ROBO1: variants seen among roughly 807,000 people sequenced by gnomAD.
ROBO1 encodes roundabout guidance receptor 1.
In ROBO1, 149 loss-of-function variants were observed where a neutral mutation model predicts 195.9. That is an observed-to-expected ratio of 0.76 (90% CI 0.67 to 0.87). The LOEUF (loss-of-function observed/expected upper bound fraction) is 0.87, where lower values mean the gene tolerates loss of function less well. Among genes scored for constraint, ROBO1 ranks in the 40% least tolerant of loss-of-function variants. The probability of loss-of-function intolerance (pLI) is 0.00; values close to 1 mark genes in which losing one functional copy is unlikely to be tolerated. For missense variants in ROBO1, 1,933 were observed against 2,068.3 expected (o/e 0.93, Z 1.27); for synonymous variants, 816 against 733.2 (o/e 1.11, Z -1.82).
chr3:79,351,444 G>A (rs149302341), intron 2 of ROBO1, among the ~76,000 whole-genome samples: 1,701 of 152,098 alleles, frequency 0.011, 12 homozygotes, highest in Non-Finnish European at 0.018. Context: ...TAGCCCACAC[G>A]TTTCTGGCTA....
chr3:79,287,099 G>A (rs776319598), intron 2 of ROBO1, among the ~76,000 whole-genome samples: 4 of 152,092 alleles, frequency 2.6e-5, no homozygotes, highest in Non-Finnish European at 5.9e-5. Context: ...TTAGGATTAT[G>A]ACATCATGTA....
chr3:78,943,151 G>A lies in ROBO1; in HGVS notation c.173-4224C>T, dbSNP rs182057946. On this transcript the variant is annotated intron_variant, in intron 3 of 30. Coordinates refer to ENST00000464233, the MANE Select transcript of ROBO1 (RefSeq NM_002941.4). ...GAATGGCGTGAACCTGGGAGGCGGAGCTTACAGTGAGCCAAGATCGTGCCA... is the reference window on the plus strand; with the variant it reads ...GAATGGCGTGAACCTGGGAGGCGGAACTTACAGTGAGCCAAGATCGTGCCA... 4.3e-4 allele frequency among the ~76,000 whole-genome samples: 65 copies of A among 152,238 alleles called. 1 individual carries two copies. The East Asian group carries it at 0.012, about 28-fold the overall frequency.
rs535804575 is a variant in ROBO1, at chr3:78,804,570, T to C, written c.500-57670A>G. ...TTAAACTCACTGCACCTCTCAATCA[T>C]CCATCATCCCCCACTTCTTTTTACT... On this transcript the variant is annotated intron_variant, in intron 4 of 30. Transcript: ENST00000464233. 2.6e-4 allele frequency among the ~76,000 whole-genome samples: 39 copies of C among 151,974 alleles called. No individual in the cohort carries two copies. In the Middle Eastern group the frequency reaches 0.01, roughly 40 times the overall value.
chr3:79,223,300 A>C (rs560245567), intron 2 of ROBO1, among the ~76,000 whole-genome samples: 1 of 152,196 alleles, frequency 6.6e-6, no homozygotes, highest in Admixed American at 6.5e-5. Flanking sequence ...ATATCTCATA[A>C]ATCTACGTTC....
rs575412911 is a variant in ROBO1, at chr3:79,612,118, C to T, written c.-50-22157G>A. On this transcript the variant is annotated intron_variant, in intron 1 of 30. Coordinates refer to ENST00000464233, the MANE Select transcript of ROBO1 (RefSeq NM_002941.4). ...TATGTATACATGTGCCATGCTGGTGCGCTGCACCCACTAACTCGTCATCTA... is the reference window on the plus strand; with the variant it reads ...TATGTATACATGTGCCATGCTGGTGTGCTGCACCCACTAACTCGTCATCTA... Among the ~76,000 whole-genome samples the T allele has an allele frequency of 6.0e-5, 9 of 150,202 alleles. No homozygotes were observed. In the South Asian group the frequency reaches 6.3e-4, roughly 11 times the overall value.
chr3:79,529,708 G>C (rs1416493494), intron 2 of ROBO1, among the ~76,000 whole-genome samples: 1 of 152,084 alleles, frequency 6.6e-6, no homozygotes, highest in Non-Finnish European at 1.5e-5. Flanking sequence ...ATTTATTTCT[G>C]GAATTTTCCA....
At chr3:79,164,358 A>G (rs6791591) in intron 2 of ROBO1, among the ~76,000 whole-genome samples, 13,424 of 152,220 alleles carry the variant, frequency 0.088, 1,014 homozygotes, top group African/African-American at 0.2. Context: ...AAGGACACAT[A>G]TTTGTAAGAC....
intron 1 of ROBO1, among the ~76,000 whole-genome samples, chr3:79,660,397 T>C (rs1248711608): frequency 1.3e-5 from 2 of 152,098 alleles, no homozygotes; most frequent in Non-Finnish European, 2.9e-5. Context: ...GTAAGACACA[T>C]GGATCAGGGA....
At chr3:79,391,943 T>A (rs1252827616) in intron 2 of ROBO1, among the ~76,000 whole-genome samples, 3 of 152,190 alleles carry the variant, frequency 2.0e-5, no homozygotes, top group Admixed American at 2.0e-4. Flanking sequence ...GTATCCAAAT[T>A]ACTGAGACTT....
chr3:78,850,485 CTTATT>C (rs1432094254), intron 4 of ROBO1, among the ~76,000 whole-genome samples: 2 of 152,102 alleles, frequency 1.3e-5, no homozygotes, highest in African/African-American at 4.8e-5. Flanking sequence ...AAAATAATAA[CTTATT>C]TTATGTTATC....
intron 2 of ROBO1, among the ~76,000 whole-genome samples, chr3:79,536,249 CACACCTATAT>C (rs1941858275): frequency 6.6e-6 from 1 of 151,986 alleles, no homozygotes; most frequent in African/African-American, 2.4e-5. Context: ...CACACAAATA[CACACCTATAT>C]ACACAGCCAA....
chr3:79,025,611 T>G (rs1466943425), intron 3 of ROBO1, among the ~76,000 whole-genome samples: 1 of 147,834 alleles, frequency 6.8e-6, no homozygotes, highest in Non-Finnish European at 1.5e-5. Flanking sequence ...TTTTCTCTAA[T>G]ATATAGTTCA....
intron 29 of ROBO1, among the ~76,000 whole-genome samples, chr3:78,601,256 G>A (rs1331891337): frequency 6.6e-6 from 1 of 152,138 alleles, no homozygotes; most frequent in African/African-American, 2.4e-5. Flanking sequence ...GGAAGGGTAA[G>A]GCAGAAGGCT....
At chr3:78,656,250 C>T (rs1177095552) in intron 18 of ROBO1, among the ~76,000 whole-genome samples, 1 of 150,978 alleles carries the variant, frequency 6.6e-6, no homozygotes, top group Admixed American at 6.6e-5. Flanking sequence ...TAAACAATTA[C>T]AATTTTAAAT....
intron 2 of ROBO1, among the ~76,000 whole-genome samples, chr3:79,309,391 A>G (rs907731847): frequency 1.3e-5 from 2 of 152,178 alleles, no homozygotes; most frequent in Non-Finnish European, 2.9e-5. Context: ...CAACACGGTG[A>G]AACCCCCATC....
rs201674277 is a variant in ROBO1, at chr3:79,042,533, CA to C, written c.172+82922del. ...GAGAATAATTTTGCTTTGTAATTTC[CA>C]AAAAAAAGTTAAATATTATAAGTTG... is the stretch of plus-strand genomic sequence containing the variant. On this transcript the variant is annotated intron_variant, in intron 3 of 30. Transcript: ENST00000464233. Among the ~76,000 whole-genome samples the C allele has an allele frequency of 8.7e-3, 1,321 of 151,546 alleles. 21 individuals are homozygous for C. The highest frequency in any genetic ancestry group is 0.031 in the African/African-American group (1,263 of 41,350).
At chr3:78,936,552 T>C (rs2039817529) in intron 4 of ROBO1, among the ~76,000 whole-genome samples, 1 of 152,102 alleles carries the variant, frequency 6.6e-6, no homozygotes, top group South Asian at 2.1e-4. Context: ...ATAGTATCTA[T>C]ACTGAATATG....
rs142318920 is a variant in ROBO1, at chr3:79,183,220, T to G, written c.89-57681A>C. 3.1e-3 allele frequency among the ~76,000 whole-genome samples: 476 copies of G among 152,310 alleles called. 1 individual carries two copies. The highest frequency in any genetic ancestry group is 0.011 in the African/African-American group (457 of 41,562). Reference sequence around the variant, plus strand: ...TTTTAGAAATAAGGTTCCACAAATTTTATAAGATTTGTGTCATCAAACACT... The same window carrying G: ...TTTTAGAAATAAGGTTCCACAAATTGTATAAGATTTGTGTCATCAAACACT... On this transcript the variant is annotated intron_variant, in intron 2 of 30. Coordinates refer to ENST00000464233, the MANE Select transcript of ROBO1 (RefSeq NM_002941.4).
intron 1 of ROBO1, among the ~76,000 whole-genome samples, chr3:79,693,399 GT>G: frequency 6.8e-6 from 1 of 147,914 alleles, no homozygotes; most frequent in Non-Finnish European, 1.5e-5. Flanking sequence ...GTGTGTGTGT[GT>G]GTGTGTGTGT....
Sources: gnomAD v4.1 joint callset for allele counts (sites outside exome capture counted in the v4.1 genomes callset) on GRCh38, gnomAD v4.1.1 for gene constraint, MANE v1.5 for transcripts, NCBI Gene and HGNC (gene_info 2026-07-23, HGNC 2026-07-21) for gene names.